Variants in PRMT7 observed in about 807,000 individuals in gnomAD.
PRMT7 encodes the protein protein arginine methyltransferase 7, also known as protein arginine N-methyltransferase 7.
A neutral mutation model predicts 85.4 loss-of-function variants in PRMT7; 75 were observed. That is an observed-to-expected ratio of 0.88 (90% CI 0.73 to 1.06). The LOEUF (loss-of-function observed/expected upper bound fraction) is 1.06. PRMT7 is among the 50% of genes least tolerant of loss of function. PRMT7 has a pLI of 0.00. For missense variants in PRMT7, 868 were observed against 915.2 expected (o/e 0.95, Z 0.67); for synonymous variants, 397 against 359.5 (o/e 1.10, Z -1.18).
chr16:68,319,226 G>A (rs2082208686), intron 3 of PRMT7, among the ~76,000 whole-genome samples: 1 of 152,164 alleles, frequency 6.6e-6, no homozygotes, highest in Non-Finnish European at 1.5e-5. Flanking sequence ...AACTGGGAGA[G>A]GTTGCAGTCT....
intron 9 of PRMT7, among the ~76,000 whole-genome samples, chr16:68,344,098 G>A (rs370942219): frequency 1.3e-5 from 2 of 152,224 alleles, no homozygotes; most frequent in African/African-American, 2.4e-5. Flanking sequence ...CTCCTGAGTA[G>A]CTGGGACTAC....
At chr16:68,332,570 G>C (rs1371866008) in intron 6 of PRMT7, among the ~76,000 whole-genome samples, 1 of 152,136 alleles carries the variant, frequency 6.6e-6, no homozygotes, top group African/African-American at 2.4e-5. Flanking sequence ...TGCAACCTTT[G>C]CTCGGCTTCA....
chr16:68,359,747 C>T (rs879626766), downstream of PRMT7: 2 of 152,524 alleles, frequency 1.3e-5, no homozygotes, highest in Non-Finnish European at 2.9e-5. Flanking sequence ...AAAAACAGTC[C>T]CTCAAGTTGA....
At position 68,312,102 on chromosome 16, in the gene PRMT7, ACCT is replaced by A. The variant is rs1433079520; in HGVS notation, c.-154_-152del. ...GTGATCGAGGCGCACTGCAGCCTTG[ACCT>A]CCTGGGCTCAAGCGATCCTCACCTC... On this transcript the variant is annotated 5_prime_UTR_variant, in exon 2 of 19. Coordinates refer to ENST00000441236, the MANE Select transcript of PRMT7 (RefSeq NM_019023.5). The A allele has an allele frequency of 4.0e-5, 6 of 151,068 alleles. No individual in the cohort carries two copies. The highest frequency in any genetic ancestry group is 6.6e-5 in the Admixed American group (1 of 15,152). 9.4% of individuals were successfully genotyped at this position (151,068 alleles called of 1,614,324 possible).
intron 4 of PRMT7, 41 bp from the exon 5 acceptor site, chr16:68,324,642 T>G (rs1467221988): frequency 6.2e-7 from 1 of 1,610,006 alleles, no homozygotes; most frequent in South Asian, 1.1e-5. Flanking sequence ...TTCCACTTAC[T>G]TATAATAACT....
rs140334749 is a variant in PRMT7 at position 68,334,618 on chromosome 16, C to G, written c.392-2841C>G. On this transcript the variant is annotated intron_variant, in intron 6 of 18. Coordinates refer to ENST00000441236, the MANE Select transcript of PRMT7 (RefSeq NM_019023.5). ...TGTGGAGAGCCAACCCAGGGAGCAG[C>G]GTGTGTTCATCCGTCCATTTTGTTC... is the stretch of plus-strand genomic sequence containing the variant. 4.0e-4 allele frequency among the ~76,000 whole-genome samples: 61 copies of G among 152,076 alleles called. 1 individual carries two copies. Among genetic ancestry groups the G allele is most frequent in the Non-Finnish European group, 4.9e-4 (33 of 68,018 alleles).
chr16:68,324,518 T>G (rs183464694), intron 4 of PRMT7, 165 bp from the exon 5 acceptor site: 1 of 723,356 alleles, frequency 1.4e-6, no homozygotes, highest in African/African-American at 1.8e-5. Flanking sequence ...AGGGGCTGAC[T>G]CACAAGACCT....
chr16:68,353,377 CT>C (rs977561918), intron 15 of PRMT7, 114 bp from the exon 16 acceptor site: 1 of 1,552,350 alleles, frequency 6.4e-7, no homozygotes, highest in Non-Finnish European at 8.6e-7. Flanking sequence ...CCCCTTCATA[CT>C]TGGGGGTCTC....
At chr16:68,331,111 C>T (rs985899702) in intron 6 of PRMT7, among the ~76,000 whole-genome samples, 1 of 152,188 alleles carries the variant, frequency 6.6e-6, no homozygotes, top group Non-Finnish European at 1.5e-5. Flanking sequence ...TATCAGTCCC[C>T]CCATATCCTG....
intron 9 of PRMT7, among the ~76,000 whole-genome samples, chr16:68,343,835 GTTAAA>G (rs1393507487): frequency 2.0e-5 from 3 of 152,250 alleles, no homozygotes; most frequent in Admixed American, 6.5e-5. Context: ...CTGCCTTTTT[GTTAAA>G]TTAAAGACCA....
rs781032866 is a variant in PRMT7, at chr16:68,312,826, GGTTT to G, written c.-84+664_-84+667del. Among the ~76,000 whole-genome samples, 16 of 152,168 alleles carry G rather than the reference GGTTT, an allele frequency of 1.1e-4. No individual in the cohort carries two copies. The East Asian group carries it at 1.4e-3, about 13-fold the overall frequency. Reference sequence around the variant, plus strand: ...ATTGTTAACACAAGACATAGTTCCAGGTTTGTTTGTTTGTTTGAGATACAGTCTT... The same window carrying G: ...ATTGTTAACACAAGACATAGTTCCAGGTTTGTTTGTTTGAGATACAGTCTT... On this transcript the variant is annotated intron_variant, in intron 2 of 18. Coordinates refer to ENST00000441236, the MANE Select transcript of PRMT7 (RefSeq NM_019023.5).
At chr16:68,342,149 G>A (rs1280097519) in intron 9 of PRMT7, among the ~76,000 whole-genome samples, 1 of 152,158 alleles carries the variant, frequency 6.6e-6, no homozygotes. Context: ...GTGGTGGTGC[G>A]TGCCTGTAAT....
chr16:68,356,688 C>G lies in PRMT7; in HGVS notation c.1812-13C>G. ...GTGTGACTACTTCTGCTGGGCCCCC[C>G]TCTCCTTGACAGGCCCGGGCAGAGC... On this transcript the variant is annotated splice_polypyrimidine_tract_variant and intron_variant, in intron 17 of 18. Transcript: ENST00000441236. The G allele has an allele frequency of 6.2e-7, 1 of 1,607,198 alleles. No homozygotes were observed. Among genetic ancestry groups the G allele is most frequent in the Admixed American group, 1.7e-5 (1 of 59,660 alleles).
chr16:68,320,601 C>G (rs763144671), intron 3 of PRMT7, among the ~76,000 whole-genome samples: 1 of 152,188 alleles, frequency 6.6e-6, no homozygotes, highest in Non-Finnish European at 1.5e-5. Context: ...AGTAAACCCA[C>G]GACCTTCAGT....
At chr16:68,359,565 T>C (rs981194422), downstream of PRMT7, 1 of 152,758 alleles carries the variant, frequency 6.5e-6, no homozygotes, top group Non-Finnish European at 1.5e-5. Flanking sequence ...TTGGTCCCTC[T>C]TGCAGCTCAA....
intron 6 of PRMT7, among the ~76,000 whole-genome samples, chr16:68,335,313 T>G (rs2084507573): frequency 6.6e-6 from 1 of 152,184 alleles, no homozygotes; most frequent in Non-Finnish European, 1.5e-5. Flanking sequence ...GCGGTCCTGC[T>G]GTCCTGGAAC....
chr16:68,348,740 T>C (rs2086806143), intron 14 of PRMT7, among the ~76,000 whole-genome samples: 1 of 142,276 alleles, frequency 7.0e-6, no homozygotes, highest in Admixed American at 7.6e-5. Context: ...CCTTCCAGCC[T>C]CAAGCGATCC....
intron 7 of PRMT7, among the ~76,000 whole-genome samples, chr16:68,337,806 A>G (rs2084922467): frequency 6.6e-6 from 1 of 152,232 alleles, no homozygotes; most frequent in Non-Finnish European, 1.5e-5. Context: ...AAATTCAGTT[A>G]AGTTCAGCAA....
At chr16:68,313,546 C>T (rs2151304603) in intron 2 of PRMT7, among the ~76,000 whole-genome samples, 1 of 152,326 alleles carries the variant, frequency 6.6e-6, no homozygotes, top group South Asian at 2.1e-4. Flanking sequence ...CCTCCTTCTC[C>T]TCCTGCCTCA....
Sources: gnomAD v4.1 joint callset for allele counts (sites outside exome capture counted in the v4.1 genomes callset) on GRCh38, gnomAD v4.1.1 for gene constraint, MANE v1.5 for transcripts, NCBI Gene and HGNC (gene_info 2026-07-23, HGNC 2026-07-21) for gene names.